Variants in ATP11C observed in about 807,000 individuals in gnomAD.
ATP11C encodes the protein phospholipid-transporting ATPase IG.
Under a neutral mutation model 97.4 loss-of-function variants are expected in ATP11C, and 36 were observed. The ratio of observed to expected loss-of-function variants is 0.37; its 90% CI spans 0.28 to 0.49. ATP11C has a LOEUF of 0.49. Among genes scored for constraint, ATP11C ranks in the 20% least tolerant of loss-of-function variants. The probability of loss-of-function intolerance (pLI) is 0.98; values close to 1 mark genes in which losing one functional copy is unlikely to be tolerated. For missense variants in ATP11C, 730 were observed against 824.6 expected, an observed-to-expected ratio of 0.89 and a Z score of 1.40; for synonymous variants, 275 against 290.9, an observed-to-expected ratio of 0.95 and a Z score of 0.56.
chrX:139,822,002 T>G (rs1451348557), intron 2 of ATP11C, among the ~76,000 whole-genome samples: 1 of 112,138 alleles, frequency 8.9e-6, no homozygotes, highest in Non-Finnish European at 1.9e-5. Context: ...TCAAATTAAC[T>G]TGTTTATCTA....
upstream of ATP11C, among the ~76,000 whole-genome samples, chrX:139,934,291 A>G (rs978041628): frequency 5.4e-5 from 6 of 111,540 alleles, no homozygotes; most frequent in African/African-American, 3.3e-5. Flanking sequence ...ATAAAATGCA[A>G]ATGCAGGAGA....
intron 24 of ATP11C, 113 bp from the exon 25 acceptor site, chrX:139,745,970 T>G: frequency 1.2e-6 from 1 of 827,098 alleles, no homozygotes; most frequent in Non-Finnish European, 1.7e-6. Flanking sequence ...GGGGCTACCC[T>G]TAATGGCCTG....
At chrX:139,820,990 T>A (rs1366396521) in intron 2 of ATP11C, among the ~76,000 whole-genome samples, 1 of 111,419 alleles carries the variant, frequency 9.0e-6, no homozygotes, top group East Asian at 2.9e-4. Flanking sequence ...CCCAATTATC[T>A]GTATAATATG....
At chrX:139,833,165 A>C (rs989531827) in intron 1 of ATP11C, among the ~76,000 whole-genome samples, 2 of 112,260 alleles carry the variant, frequency 1.8e-5, no homozygotes, top group Non-Finnish European at 3.8e-5. Context: ...GTTCAAATAC[A>C]AGTTGGAGTG....
In ATP11C at chrX:139,782,566, C is replaced by T; in HGVS notation, c.1933G>A (p.Ala645Thr). The T allele has an allele frequency of 1.6e-5, 19 of 1,202,392 alleles. No individual in the cohort carries two copies. The highest frequency in any genetic ancestry group is 2.1e-5 in the Non-Finnish European group (19 of 890,670). The stretch of plus-strand genomic sequence containing the variant: ...AGTTACTTGTCTTCAACTGCAGTGG[C>T]TCCAATTAAATTCATGTTTGTCTCA... ...DIETNMNLIG[A>T]TAVEDKLQDQ... Residue 645 changes from alanine to threonine, a missense_variant, in exon 18 of 30, where the codon GCC (alanine) becomes ACC (threonine). Physicochemically the swap from Ala to Thr is moderately conservative, Grantham distance 58. Transcript: ENST00000682941.
At chrX:139,875,438 GAAAA>G (rs1461998654) in intron 1 of ATP11C, among the ~76,000 whole-genome samples, 1 of 98,710 alleles carries the variant, frequency 1.0e-5, no homozygotes, top group East Asian at 3.2e-4. Context: ...AAAAAAAAAA[GAAAA>G]AAGAAATTAG....
intron 12 of ATP11C, among the ~76,000 whole-genome samples, chrX:139,792,075 G>C (rs2082701494): frequency 9.1e-6 from 1 of 110,080 alleles, no homozygotes; most frequent in Non-Finnish European, 1.9e-5. Flanking sequence ...ATGATTACAG[G>C]GTTGGGATTT....
At chrX:139,790,787 T>C (rs906540338) in intron 12 of ATP11C, among the ~76,000 whole-genome samples, 2 of 111,532 alleles carry the variant, frequency 1.8e-5, no homozygotes, top group Non-Finnish European at 3.8e-5. Flanking sequence ...ATTTTGAAAA[T>C]ACTCAAGTTT....
chrX:139,912,191 A>C (rs1453177697), intron 1 of ATP11C, among the ~76,000 whole-genome samples: 1 of 108,991 alleles, frequency 9.2e-6, no homozygotes, highest in East Asian at 2.9e-4. Flanking sequence ...AAAAAAAAAA[A>C]AAAACTTAGC....
chrX:139,846,160 G>C (rs777098867), intron 1 of ATP11C, among the ~76,000 whole-genome samples: 1 of 111,907 alleles, frequency 8.9e-6, no homozygotes, highest in Non-Finnish European at 1.9e-5. Flanking sequence ...GCTATTAATC[G>C]GTATGTTATA....
intron 1 of ATP11C, among the ~76,000 whole-genome samples, chrX:139,896,715 A>G (rs2084815400): frequency 9.4e-6 from 1 of 106,569 alleles, no homozygotes; most frequent in Admixed American, 1.0e-4. Flanking sequence ...TCTTGGGTTC[A>G]GCGATTTTCA....
intron 18 of ATP11C, among the ~76,000 whole-genome samples, chrX:139,778,287 T>C (rs540846213): frequency 3.6e-5 from 4 of 111,859 alleles, no homozygotes; most frequent in African/African-American, 1.3e-4. Flanking sequence ...CCACCAAACC[T>C]ATCCTATAAG....
At chrX:139,775,669 C>G (rs898082846) in intron 18 of ATP11C, among the ~76,000 whole-genome samples, 7 of 112,733 alleles carry the variant, frequency 6.2e-5, no homozygotes, top group Non-Finnish European at 9.4e-5. Context: ...TTGTGGCAAT[C>G]TCCTGATCAT....
intron 27 of ATP11C, among the ~76,000 whole-genome samples, chrX:139,738,715 C>T (rs1243014647): frequency 9.0e-6 from 1 of 111,287 alleles, no homozygotes; most frequent in Non-Finnish European, 1.9e-5. Context: ...CATTCTGAGT[C>T]ATCCACTTCA....
chrX:139,780,237 G>A (rs2082422995), intron 18 of ATP11C, among the ~76,000 whole-genome samples: 1 of 109,963 alleles, frequency 9.1e-6, no homozygotes, highest in Non-Finnish European at 1.9e-5. Flanking sequence ...ATTTGGCAAG[G>A]ACACAATAAA....
In ATP11C at chrX:139,854,452, A is replaced by AG. The variant is rs200633874; in HGVS notation, c.28-27630dup. On this transcript the variant is annotated intron_variant, in intron 1 of 29. Coordinates refer to ENST00000682941, the MANE Select transcript of ATP11C (RefSeq NM_001353812.2). ...TTGGAAAAGAATGGTTATCACCTTT[A>AG]GGAAAAAAAAGGGGGGAGGAGAATT... Among the ~76,000 whole-genome samples the AG allele has an allele frequency of 5.9e-3, 656 of 111,944 alleles. 2 individuals are homozygous for AG. The highest frequency in any genetic ancestry group is 0.02 in the African/African-American group (602 of 30,824).
chrX:139,746,794 G>C (rs1308458541), intron 24 of ATP11C, among the ~76,000 whole-genome samples: 1 of 111,428 alleles, frequency 9.0e-6, no homozygotes, highest in Non-Finnish European at 1.9e-5. Flanking sequence ...GAAAAAGATG[G>C]GTTGGTGCAT....
Position 139,745,708 on chromosome X carries a change from C to T in ATP11C, c.2964+14G>A. ...CTTATAATACCAAAAGATGTAATGACAGGTTCTTTTTACCTTTCCATTTTC... is the reference window on the plus strand; with the variant it reads ...CTTATAATACCAAAAGATGTAATGATAGGTTCTTTTTACCTTTCCATTTTC... On this transcript the variant is annotated intron_variant, in intron 25 of 29. Coordinates refer to ENST00000682941, the MANE Select transcript of ATP11C (RefSeq NM_001353812.2). The T allele has an allele frequency of 8.4e-7, 1 of 1,196,102 alleles. No homozygotes were observed. The highest frequency in any genetic ancestry group is 1.1e-6 in the Non-Finnish European group (1 of 889,512).
intron 8 of ATP11C, 69 bp from the exon 9 acceptor site, chrX:139,798,812 G>T: frequency 7.3e-6 from 6 of 823,490 alleles, no homozygotes; most frequent in Non-Finnish European, 1.1e-5. Flanking sequence ...GACAGATTTT[G>T]CCCTGACACA....
Sources: gnomAD v4.1 joint callset for allele counts (sites outside exome capture counted in the v4.1 genomes callset) on GRCh38, gnomAD v4.1.1 for gene constraint, MANE v1.5 for transcripts, NCBI Gene and HGNC (gene_info 2026-07-23, HGNC 2026-07-21) for gene names.